EPRS1: variants seen among roughly 807,000 people sequenced by gnomAD.
EPRS1 encodes the protein glutamyl-prolyl-tRNA synthetase 1.
In EPRS1, 107 loss-of-function variants were observed where a neutral mutation model predicts 188.3. The observed-to-expected ratio is 0.57, with a 90% CI of 0.49 to 0.67. The LOEUF is 0.67. Ranked by LOEUF, EPRS1 falls within the 30% of genes least tolerant of loss-of-function variation. The pLI is 0.00. For missense variants in EPRS1, 1,577 were observed against 1,802.2 expected, an observed-to-expected ratio of 0.88 and a Z score of 2.26; for synonymous variants, 596 against 593.1, an observed-to-expected ratio of 1.00 and a Z score of -0.07.
chr1:220,006,210 C>T lies in EPRS1; in HGVS notation c.1846G>A (p.Ala616Thr), dbSNP rs1661482237. The T allele has an allele frequency of 1.2e-6, 2 of 1,605,354 alleles. No homozygotes were observed. Among genetic ancestry groups the T allele is most frequent in the Non-Finnish European group, 1.7e-6 (2 of 1,174,418 alleles). Residue 616 changes from alanine (A) to threonine (T), a missense_variant, in exon 15 of 32, where the codon GCT becomes ACT. This residue lies in a region of EPRS1 where 1,278 missense variants were observed against 1,457.4 expected (regional missense o/e 0.88). Coordinates refer to ENST00000366923, the MANE Select transcript of EPRS1 (RefSeq NM_004446.3). The stretch of plus-strand genomic sequence containing the variant: ...ACACAGATTACTGGAATAGGAAGAG[C>T]ATGTGTAGTCTCTGCAAGCCAAGTG... Reference protein sequence around the residue: ...KVTWLAETTHALPIPVICVTY... With the variant: ...KVTWLAETTHTLPIPVICVTY...
intron 4 of EPRS1, 35 bp downstream of exon 4, chr1:220,033,467 G>A (rs1437064358): frequency 5.4e-6 from 8 of 1,489,386 alleles, no homozygotes; most frequent in East Asian, 2.3e-5. Context: ...AATATTAAAC[G>A]ATTAAAACAG....
intron 18 of EPRS1, 74 bp from the exon 19 acceptor site, chr1:219,988,897 C>A: frequency 1.1e-6 from 1 of 871,266 alleles, no homozygotes; most frequent in Non-Finnish European, 1.8e-6. Context: ...ATTTAAAAAT[C>A]TTTAATTATC....
chr1:219,983,930 C>T (rs889639166), intron 21 of EPRS1, among the ~76,000 whole-genome samples: 5 of 151,346 alleles, frequency 3.3e-5, no homozygotes, highest in African/African-American at 1.2e-4. Flanking sequence ...CCAATCCTGC[C>T]TCTGCTATTG....
intron 28 of EPRS1, 133 bp from the exon 29 acceptor site, chr1:219,973,531 GAA>G (rs34026037): frequency 0.28 from 100,650 of 358,622 alleles, 11,583 homozygotes; most frequent in East Asian, 0.37. Flanking sequence ...AAAAACAAGA[GAA>G]AAAAAAAAAA....
chr1:220,015,327 G>A (rs553297688), intron 12 of EPRS1, among the ~76,000 whole-genome samples: 7 of 152,224 alleles, frequency 4.6e-5, no homozygotes, highest in African/African-American at 1.4e-4. Context: ...GCCAGGTGCA[G>A]TGGCAGAAGC....
At chr1:219,982,870 ACT>A (rs1491179525) in intron 22 of EPRS1, 26 bp from the exon 23 acceptor site, 2 of 1,607,190 alleles carry the variant, frequency 1.2e-6, no homozygotes, top group Non-Finnish European at 8.5e-7. Context: ...CATTTTTCAT[ACT>A]TTTTTTTCAA....
At chr1:219,982,199 G>A (rs1366497366) in intron 23 of EPRS1, among the ~76,000 whole-genome samples, 2 of 152,096 alleles carry the variant, frequency 1.3e-5, no homozygotes, top group Admixed American at 6.6e-5. Context: ...ACACTGTAAA[G>A]CCCAAAACCT....
chr1:220,040,119 C>T, intron 2 of EPRS1, 66 bp downstream of exon 2: 1 of 1,057,798 alleles, frequency 9.5e-7, no homozygotes, highest in Non-Finnish European at 1.4e-6. Flanking sequence ...GACTCTGTCT[C>T]TAAAAAAACT....
At chr1:220,004,676 A>G (rs1201574477) in intron 16 of EPRS1, among the ~76,000 whole-genome samples, 1 of 152,208 alleles carries the variant, frequency 6.6e-6, no homozygotes, top group Non-Finnish European at 1.5e-5. Context: ...AGATATCTAA[A>G]GCAGTTAGAT....
chr1:219,976,929 G>T (rs1660792697), intron 28 of EPRS1, among the ~76,000 whole-genome samples: 1 of 152,120 alleles, frequency 6.6e-6, no homozygotes, highest in South Asian at 2.1e-4. Context: ...AAGAAAAGTA[G>T]TTAATTCACT....
chr1:220,026,788 C>A (rs1661980821), intron 6 of EPRS1, among the ~76,000 whole-genome samples: 1 of 151,836 alleles, frequency 6.6e-6, no homozygotes, highest in African/African-American at 2.4e-5. Context: ...CCTCGGCCAG[C>A]AGTTGTACAG....
Position 219,983,173 on chromosome 1 carries a change from A to G in EPRS1, c.3300+16T>C. 6.3e-7 allele frequency: 1 copy of G among 1,581,124 alleles called. No homozygotes were observed. Among genetic ancestry groups the G allele is most frequent in the Non-Finnish European group, 8.6e-7 (1 of 1,164,302 alleles). On this transcript the variant is annotated intron_variant, in intron 22 of 31. Transcript: ENST00000366923. Reference sequence around the variant, plus strand: ...TCAGAGAACATTGCAAAAAATAAAAAAGCAAGCTCACTTACCTCTGGGGCA... The same window carrying G: ...TCAGAGAACATTGCAAAAAATAAAAGAGCAAGCTCACTTACCTCTGGGGCA...
In EPRS1 at chr1:219,981,438, T is replaced by C; in HGVS notation, c.3393A>G (p.Ala1131=). 6.2e-7 allele frequency: 1 copy of C among 1,605,612 alleles called. No individual in the cohort carries two copies. The highest frequency in any genetic ancestry group is 8.5e-7 in the Non-Finnish European group (1 of 1,174,878). Reference sequence around the variant, plus strand: ...GGTCTCTGTGTGACTGTACCCATTTTGCATATGCAGGATACATTACTGAAA... The same window carrying C: ...GGTCTCTGTGTGACTGTACCCATTTCGCATATGCAGGATACATTACTGAAA... The part of the protein sequence containing the change: ...TSETVMYPAY[A]KWVQSHRDLP... Residue 1131 remains alanine (A), a synonymous_variant, in exon 24 of 32, where the codon GCA becomes GCG. Coordinates refer to ENST00000366923, the MANE Select transcript of EPRS1 (RefSeq NM_004446.3).
chr1:219,979,520 A>G lies in EPRS1; in HGVS notation c.3807T>C (p.Tyr1269=). 6 of 1,613,986 alleles carry G rather than the reference A, an allele frequency of 3.7e-6. No homozygotes were observed. Among genetic ancestry groups the G allele is most frequent in the Non-Finnish European group, 4.2e-6 (5 of 1,179,866 alleles). ...GAGTTGTCAGGCCCCAGGAGTTTTG[A>G]TAGGCAAATTGCTTCTCTCCTGGTA... ...PKIPGEKQFA[Y]QNSWGLTTRT... is the part of the protein sequence containing the mutation. Residue 1269 remains tyrosine (Y), a synonymous_variant, in exon 27 of 32, where the codon TAT becomes TAC. Transcript: ENST00000366923.
chr1:220,003,885 A>G lies in EPRS1; in HGVS notation c.2063+1363T>C, dbSNP rs140849433. Among the ~76,000 whole-genome samples, 639 of 152,352 alleles carry G rather than the reference A, an allele frequency of 4.2e-3. 2 individuals are homozygous for G. Among genetic ancestry groups the G allele is most frequent in the Middle Eastern group, 0.014 (4 of 294 alleles). Reference sequence around the variant, plus strand: ...CAGGAAAAGGCATCAAGTGCTTTTGAAAAGCCCCAGGCAATTTGGTACATA... The same window carrying G: ...CAGGAAAAGGCATCAAGTGCTTTTGGAAAGCCCCAGGCAATTTGGTACATA... On this transcript the variant is annotated intron_variant, in intron 16 of 31. Transcript: ENST00000366923.
intron 12 of EPRS1, among the ~76,000 whole-genome samples, chr1:220,012,935 G>T (rs1249301780): frequency 6.6e-6 from 1 of 152,246 alleles, no homozygotes; most frequent in African/African-American, 2.4e-5. Flanking sequence ...TTCACTGGAA[G>T]GAAGTCTCCT....
chr1:220,042,207 A>G (rs6686451), intron 1 of EPRS1, among the ~76,000 whole-genome samples: 34,695 of 149,506 alleles, frequency 0.23, 7,959 homozygotes, highest in African/African-American at 0.58. Context: ...AAAAGGCCAC[A>G]TGCAATGGCT....
Position 219,978,545 on chromosome 1 carries a change from C to A in EPRS1, c.4083+1G>T. On this transcript the variant is annotated splice_donor_variant, in intron 28 of 31. Transcript: ENST00000366923. LOFTEE classifies it high-confidence loss of function. ...GTAAAAGATAAAGCTTAGGAATTTACCTTGAGCTCCCAGTGATTGAATTTC... is the reference window on the plus strand; with the variant it reads ...GTAAAAGATAAAGCTTAGGAATTTAACTTGAGCTCCCAGTGATTGAATTTC... 6.4e-7 allele frequency: 1 copy of A among 1,558,184 alleles called. No homozygotes were observed. Among genetic ancestry groups the A allele is most frequent in the East Asian group, 2.4e-5 (1 of 41,848 alleles).
intron 2 of EPRS1, among the ~76,000 whole-genome samples, chr1:220,038,390 CTTT>C (rs71169431): frequency 3.0e-5 from 3 of 101,556 alleles, no homozygotes; most frequent in Non-Finnish European, 3.6e-5. Context: ...CTCAGTTTAT[CTTT>C]TTTTTTTTTT....
Sources: gnomAD v4.1 joint callset for allele counts (sites outside exome capture counted in the v4.1 genomes callset) on GRCh38, gnomAD v4.1.1 for gene constraint, gnomAD v4.1.1 regional missense constraint, MANE v1.5 for transcripts, NCBI Gene and HGNC (gene_info 2026-07-23, HGNC 2026-07-21) for gene names.